Variants in PDS5A observed in about 807,000 individuals in gnomAD.
PDS5A encodes PDS5 cohesin associated factor A, also known as sister chromatid cohesion protein PDS5 homolog A.
PDS5A carries 42 observed loss-of-function variants against 167.1 expected under a neutral mutation model. That is an observed-to-expected ratio of 0.25 (90% confidence interval 0.20 to 0.33). PDS5A has a LOEUF of 0.33. PDS5A is among the 10% of genes least tolerant of loss of function. The pLI is 1.00. For missense variants in PDS5A, 1,033 were observed against 1,605.9 expected (o/e 0.64, Z 6.10); for synonymous variants, 553 against 554.6 (o/e 1.00, Z 0.04).
At position 39,877,142 on chromosome 4, in the gene PDS5A, A is replaced by G; in HGVS notation, c.2004T>C (p.Phe668=). ...CAGAGTGGAACGAGGTAGGATGTGT[A>G]AAAGACAGAACCTGAAAAAACAGAT... ...SGLELLKVLS[F]THPTSFHSAE... is the part of the protein sequence containing the mutation. Residue 668 remains phenylalanine, a synonymous_variant, in exon 19 of 33, where the codon TTT becomes TTC. Transcript: ENST00000303538. 6.3e-7 allele frequency: 1 copy of G among 1,579,030 alleles called. No homozygotes were observed. Among genetic ancestry groups the G allele is most frequent in the South Asian group, 1.2e-5 (1 of 84,988 alleles).
Position 39,922,604 on chromosome 4 carries a change from T to G in PDS5A, c.654+18A>C. On this transcript the variant is annotated intron_variant, in intron 6 of 32. Coordinates refer to ENST00000303538, the MANE Select transcript of PDS5A (RefSeq NM_001100399.2). ...GACTGTTAAACATTAACCTTGAATATCTTCATACTTTACAGACCTTATGTG... is the reference window on the plus strand; with the variant it reads ...GACTGTTAAACATTAACCTTGAATAGCTTCATACTTTACAGACCTTATGTG... 7.8e-6 allele frequency: 12 copies of G among 1,534,784 alleles called. No homozygotes were observed. Among genetic ancestry groups the G allele is most frequent in the Non-Finnish European group, 1.1e-5 (12 of 1,140,946 alleles).
intron 30 of PDS5A, among the ~76,000 whole-genome samples, chr4:39,842,937 A>ATATATATATATATATATATATATATATT (rs1433177642): frequency 2.1e-5 from 3 of 139,732 alleles, no homozygotes; most frequent in East Asian, 2.1e-4. Context: ...ATATATATAT[A>ATATATATATATATATATATATATATATT]TTTTAAGAGA....
intron 4 of PDS5A, among the ~76,000 whole-genome samples, chr4:39,926,572 T>A (rs774785332): frequency 8.6e-5 from 13 of 150,700 alleles, no homozygotes; most frequent in African/African-American, 1.2e-4. Flanking sequence ...TTTCAAATAA[T>A]CTACAGTTTT....
intron 32 of PDS5A, among the ~76,000 whole-genome samples, chr4:39,828,537 C>T (rs460334): frequency 0.69 from 104,495 of 152,074 alleles, 37,856 homozygotes; most frequent in Middle Eastern, 0.84. Flanking sequence ...CTCTAGAAGC[C>T]TCACACATCA....
chr4:39,867,771 C>CAG (rs1719667307), intron 22 of PDS5A, among the ~76,000 whole-genome samples: 1 of 134,918 alleles, frequency 7.4e-6, no homozygotes, highest in Admixed American at 7.1e-5. Context: ...CACACACACA[C>CAG]ACACCCCACA....
intron 26 of PDS5A, among the ~76,000 whole-genome samples, chr4:39,859,688 C>G (rs1246201866): frequency 6.6e-6 from 1 of 152,124 alleles, no homozygotes; most frequent in African/African-American, 2.4e-5. Flanking sequence ...GAACACCACT[C>G]GCACACAATT....
Position 39,832,589 on chromosome 4 carries a change from T to C in PDS5A, c.4010+5267A>G, listed in dbSNP as rs548350581. ...ATCTAGTTTGAGGCACTGAAAATAT[T>C]TGAGAAGTTTGAGGGCTGGGGCAGG... On this transcript the variant is annotated intron_variant, in intron 32 of 32. Transcript: ENST00000303538. 7.2e-5 allele frequency among the ~76,000 whole-genome samples: 11 copies of C among 152,050 alleles called. No homozygotes were observed. In the South Asian group the frequency reaches 1.2e-3, roughly 17 times the overall value.
chr4:39,877,061 T>G lies in PDS5A; in HGVS notation c.2085A>C (p.Ala695=). ...QCLRMEDDKV[A]EAAIQIFRNT... ...TTCTAAAAATTTGAATAGCAGCTTCTGCTACCTTGTCATCCTCCATTCTTA... is the reference window on the plus strand; with the variant it reads ...TTCTAAAAATTTGAATAGCAGCTTCGGCTACCTTGTCATCCTCCATTCTTA... The change falls in exon 19 of 33, where the codon GCA becomes GCC. Residue 695 remains alanine, a synonymous_variant. Coordinates refer to ENST00000303538, the MANE Select transcript of PDS5A (RefSeq NM_001100399.2). 6.2e-7 allele frequency: 1 copy of G among 1,610,812 alleles called. No individual in the cohort carries two copies. Among genetic ancestry groups the G allele is most frequent in the South Asian group, 1.1e-5 (1 of 90,952 alleles).
rs11357236 is a variant in PDS5A, at chr4:39,867,549, T to TA, written c.2506-553dup. On this transcript the variant is annotated intron_variant, in intron 22 of 32. Coordinates refer to ENST00000303538, the MANE Select transcript of PDS5A (RefSeq NM_001100399.2). ...CTATACTAAAAAACCCCGTCTCTACTAAAAAAAAAAAAAAAAAAAAATTAG... is the reference window on the plus strand; with the variant it reads ...CTATACTAAAAAACCCCGTCTCTACTAAAAAAAAAAAAAAAAAAAAAATTAG... Among the ~76,000 whole-genome samples, 992 of 111,748 alleles carry TA rather than the reference T, an allele frequency of 8.9e-3. 9 individuals are homozygous for TA. Among genetic ancestry groups the TA allele is most frequent in the African/African-American group, 0.025 (714 of 28,616 alleles). The allele number at this position is 111,748 out of a possible 152,430, so 73.3% of individuals were successfully genotyped here.
intron 16 of PDS5A, among the ~76,000 whole-genome samples, chr4:39,894,234 C>G (rs1722206166): frequency 6.6e-6 from 1 of 151,992 alleles, no homozygotes; most frequent in Non-Finnish European, 1.5e-5. Context: ...ATGGTGAAAT[C>G]TCATCTCTAC....
chr4:39,916,088 A>G (rs1724345872), intron 8 of PDS5A, among the ~76,000 whole-genome samples: 1 of 151,984 alleles, frequency 6.6e-6, no homozygotes, highest in Non-Finnish European at 1.5e-5. Flanking sequence ...CAAGCAAAAA[A>G]TTGCCAGGCA....
At chr4:39,933,628 C>T in intron 2 of PDS5A, 1 of 151,828 alleles carries the variant, frequency 6.6e-6, no homozygotes, top group African/African-American at 2.4e-5. Context: ...CCAGAAGGCA[C>T]CACATGGAAA....
rs1731253379 is a variant in PDS5A, at chr4:39,977,652, G to A, written c.-236C>T. On this transcript the variant is annotated 5_prime_UTR_variant, in exon 1 of 33. Transcript: ENST00000303538. This position sits in a 1 kb window ranked among gnomAD's most constrained non-coding sequence, Gnocchi z 4.2. ...GCAGCCGCCGCGGGGGGAGACGCGGGGCGAGTGAGCGCTGGGCGGGGAGAC... is the reference window on the plus strand; with the variant it reads ...GCAGCCGCCGCGGGGGGAGACGCGGAGCGAGTGAGCGCTGGGCGGGGAGAC... The A allele has an allele frequency of 6.6e-6, 1 of 152,038 alleles. No homozygotes were observed. Among genetic ancestry groups the A allele is most frequent in the African/African-American group, 2.4e-5 (1 of 41,206 alleles). The allele number at this position is 152,038 out of a possible 1,614,324, so 9.4% of individuals were successfully genotyped here. A position where few individuals can be genotyped will look rare whatever the true frequency, so the allele number is the denominator to read the frequency against.
intron 7 of PDS5A, among the ~76,000 whole-genome samples, chr4:39,920,082 C>A (rs1724799832): frequency 6.6e-6 from 1 of 151,940 alleles, no homozygotes; most frequent in Admixed American, 6.6e-5. Context: ...ATGAAATAAA[C>A]ATAAATACAA....
chr4:39,829,684 G>A (rs936805339), intron 32 of PDS5A, among the ~76,000 whole-genome samples: 2 of 150,438 alleles, frequency 1.3e-5, no homozygotes, highest in African/African-American at 4.9e-5. Context: ...AGGCGCGGTG[G>A]CTCACGCCTG....
chr4:39,873,639 T>C (rs1418976309), intron 20 of PDS5A, among the ~76,000 whole-genome samples: 3 of 152,204 alleles, frequency 2.0e-5, no homozygotes, highest in Non-Finnish European at 4.4e-5. Flanking sequence ...AATTTTCAGG[T>C]AGGGTTCTTA....
chr4:39,866,780 T>TC, intron 23 of PDS5A, 81 bp downstream of exon 23: 1 of 1,219,116 alleles, frequency 8.2e-7, no homozygotes, highest in Non-Finnish European at 1.2e-6. Flanking sequence ...CACCATTCAG[T>TC]ATTCATTAGG....
At position 39,838,300 on chromosome 4, in the gene PDS5A, AGTCTGGATTTGAG is replaced by A. The variant is rs1240900886; in HGVS notation, c.3658-105_3658-93del. The A allele has an allele frequency of 4.0e-6, 4 of 1,001,064 alleles. No homozygotes were observed. In the African/African-American group the frequency reaches 6.5e-5, roughly 16 times the overall value. 62.0% of individuals were successfully genotyped at this position (1,001,064 alleles called of 1,614,324 possible). A position where few individuals can be genotyped will look rare whatever the true frequency, so the allele number is the denominator to read the frequency against. Reference sequence around the variant, plus strand: ...GAGTGTTTTGAAAGTATTTTAAAGGAGTCTGGATTTGAGGGCTTCCAGTTAACTGCTTACATCA... The same window carrying A: ...GAGTGTTTTGAAAGTATTTTAAAGGAGGCTTCCAGTTAACTGCTTACATCA... On this transcript the variant is annotated intron_variant, in intron 31 of 32. Coordinates refer to ENST00000303538, the MANE Select transcript of PDS5A (RefSeq NM_001100399.2).
chr4:39,955,632 C>T (rs1030089462), intron 2 of PDS5A, among the ~76,000 whole-genome samples: 2 of 151,722 alleles, frequency 1.3e-5, no homozygotes, highest in Non-Finnish European at 2.9e-5. Context: ...ACAAATGTAC[C>T]ACTCTGGAAG....
Sources: gnomAD v4.1 joint callset for allele counts (sites outside exome capture counted in the v4.1 genomes callset) on GRCh38, gnomAD v4.1.1 for gene constraint, Gnocchi (gnomAD v3.1) non-coding constraint, MANE v1.5 for transcripts, NCBI Gene and HGNC (gene_info 2026-07-23, HGNC 2026-07-21) for gene names.